FDFT1: variants seen among roughly 807,000 people sequenced by gnomAD.
The protein encoded by FDFT1 is farnesyl-diphosphate farnesyltransferase 1, also known as squalene synthase.
Under a neutral mutation model 46.8 loss-of-function variants are expected in FDFT1, and 68 were observed. That is an observed-to-expected ratio of 1.45 (90% confidence interval 1.19 to 1.78). FDFT1 has a LOEUF of 1.78. Ranked by LOEUF, FDFT1 falls within the 40% of genes most tolerant of loss-of-function variation. The pLI is 0.00. For synonymous variants in FDFT1, 351 were observed against 185.1 expected, an observed-to-expected ratio of 1.90 and a Z score of -7.28; for missense variants, 928 against 524.4, an observed-to-expected ratio of 1.77 and a Z score of -7.52.
intron 7 of FDFT1, among the ~76,000 whole-genome samples, chr8:11,835,264 A>C (rs1811381839): frequency 6.6e-6 from 1 of 152,180 alleles, no homozygotes; most frequent in African/African-American, 2.4e-5. Flanking sequence ...AGTTTGCAGA[A>C]ACCTACTGTG....
At chr8:11,822,799 G>GAGC (rs976671203) in intron 4 of FDFT1, among the ~76,000 whole-genome samples, 4 of 152,204 alleles carry the variant, frequency 2.6e-5, no homozygotes, top group African/African-American at 7.2e-5. Context: ...GTGGGTGACA[G>GAGC]AGCAAGACAC....
intron 4 of FDFT1, among the ~76,000 whole-genome samples, chr8:11,823,690 C>T (rs148148092): frequency 2.0e-5 from 3 of 152,286 alleles, no homozygotes; most frequent in East Asian, 1.9e-4. Context: ...TGCCCTCAGC[C>T]TCCTGAGTAA....
chr8:11,826,993 C>T (rs1172346072), intron 5 of FDFT1, among the ~76,000 whole-genome samples: 3 of 152,194 alleles, frequency 2.0e-5, no homozygotes, highest in Non-Finnish European at 4.4e-5. Context: ...ACAAAAACTC[C>T]AGGTGTCTGT....
intron 3 of FDFT1, among the ~76,000 whole-genome samples, chr8:11,820,419 C>T (rs7821787): frequency 0.012 from 1,765 of 152,346 alleles, 29 homozygotes; most frequent in African/African-American, 0.04. Context: ...CAGAAGCCGT[C>T]TGCTGCCTTT....
chr8:11,818,381 T>C (rs1274191244), intron 3 of FDFT1, among the ~76,000 whole-genome samples: 1 of 152,238 alleles, frequency 6.6e-6, no homozygotes, highest in Non-Finnish European at 1.5e-5. Flanking sequence ...TTAGGTCTGC[T>C]TGGTCCAGAG....
At position 11,826,099 on chromosome 8, in the gene FDFT1, T is replaced by G; in HGVS notation, c.586T>G (p.Leu196Val). 6.2e-7 allele frequency: 1 copy of G among 1,611,660 alleles called. No homozygotes were observed. Among genetic ancestry groups the G allele is most frequent in the Non-Finnish European group, 8.5e-7 (1 of 1,178,028 alleles). Residue 196 changes from leucine to valine, a missense_variant, in exon 5 of 8, where the codon TTA (leucine) becomes GTA (valine). Leu to Val is a conservative substitution (Grantham distance 32). Coordinates refer to ENST00000220584, the MANE Select transcript of FDFT1 (RefSeq NM_004462.5). ...CTCAGCCTCAGAGTTTGAAGACCCC[T>G]TAGTTGGTGAAGATACAGAACGTGC... ...LFSASEFEDP[L>V]VGEDTERANS...
chr8:11,807,157 G>GT (rs1159189875), intron 1 of FDFT1, among the ~76,000 whole-genome samples: 1 of 152,016 alleles, frequency 6.6e-6, no homozygotes, highest in Non-Finnish European at 1.5e-5. Context: ...TTGGATATTT[G>GT]TTTTTTATTT....
At chr8:11,827,797 C>A (rs1224561191) in intron 5 of FDFT1, among the ~76,000 whole-genome samples, 1 of 151,974 alleles carries the variant, frequency 6.6e-6, no homozygotes, top group Non-Finnish European at 1.5e-5. Flanking sequence ...AATCTCAACA[C>A]TGGGAGACCA....
At chr8:11,836,509 C>G (rs1259792276) in intron 7 of FDFT1, among the ~76,000 whole-genome samples, 1 of 152,234 alleles carries the variant, frequency 6.6e-6, no homozygotes, top group Non-Finnish European at 1.5e-5. Flanking sequence ...TCATAAGGCT[C>G]CTTGAAGGTC....
chr8:11,804,609 T>C (rs932507056), intron 1 of FDFT1, among the ~76,000 whole-genome samples: 4 of 142,958 alleles, frequency 2.8e-5, no homozygotes, highest in African/African-American at 1.0e-4. Flanking sequence ...TCTTTTTTTT[T>C]TTTTTTTTTT....
intron 1 of FDFT1, chr8:11,803,390 C>G (rs1202066299): frequency 1.6e-6 from 2 of 1,289,542 alleles, no homozygotes; most frequent in Admixed American, 2.3e-5. Flanking sequence ...TCTTCCGGAG[C>G]TCTCCCCGCC....
chr8:11,836,566 CT>C (rs2130911203), intron 7 of FDFT1, among the ~76,000 whole-genome samples: 1 of 152,364 alleles, frequency 6.6e-6, no homozygotes, highest in East Asian at 1.9e-4. Flanking sequence ...GCCTTCCTGC[CT>C]TCTGTTTCAC....
intron 1 of FDFT1, among the ~76,000 whole-genome samples, chr8:11,806,197 C>G (rs995928520): frequency 2.6e-5 from 4 of 152,232 alleles, no homozygotes; most frequent in Middle Eastern, 3.4e-3. Context: ...CTCTAAATTC[C>G]CTCCATCCCT....
upstream of FDFT1, chr8:11,802,507 GTCGGCCTCTTTC>G (rs771937074): frequency 1.0e-4 from 53 of 507,758 alleles, no homozygotes; most frequent in East Asian, 2.0e-3. Context: ...AATCCCGCTC[GTCGGCCTCTTTC>G]TCGGCCTCCA....
At chr8:11,834,561 G>T (rs1306665304) in intron 7 of FDFT1, among the ~76,000 whole-genome samples, 1 of 152,064 alleles carries the variant, frequency 6.6e-6, no homozygotes, top group Non-Finnish European at 1.5e-5. Context: ...AATCACCTGG[G>T]AGCCCATTAA....
intron 1 of FDFT1, chr8:11,803,214 C>G: frequency 1.4e-6 from 2 of 1,399,178 alleles, no homozygotes; most frequent in Non-Finnish European, 1.9e-6. Context: ...CCGTGAGCAT[C>G]GGCGCTTACC....
upstream of FDFT1, among the ~76,000 whole-genome samples, chr8:11,799,730 G>A (rs1320721061): frequency 6.6e-6 from 1 of 151,930 alleles, no homozygotes; most frequent in African/African-American, 2.4e-5. Flanking sequence ...GGCGGATCAC[G>A]AGGTCAAGAG....
Position 11,831,688 on chromosome 8 carries a change from T to G in FDFT1, c.1032+18T>G. On this transcript the variant is annotated intron_variant, in intron 7 of 7. Transcript: ENST00000220584. ...TGGAAGAGGTGGGTTTTTATTTAAC[T>G]ACTTGGATAATTTGTAGCTACTTTT... 1 of 1,597,320 alleles carries G rather than the reference T, an allele frequency of 6.3e-7. No homozygotes were observed. The highest frequency in any genetic ancestry group is 8.6e-7 in the Non-Finnish European group (1 of 1,164,872).
intron 4 of FDFT1, among the ~76,000 whole-genome samples, chr8:11,825,456 C>T (rs1809827940): frequency 6.7e-6 from 1 of 149,878 alleles, no homozygotes; most frequent in Admixed American, 6.7e-5. Flanking sequence ...AGGAGAATCA[C>T]TTGAACCCAA....
Sources: gnomAD v4.1 joint callset for allele counts (sites outside exome capture counted in the v4.1 genomes callset) on GRCh38, gnomAD v4.1.1 for gene constraint, MANE v1.5 for transcripts, NCBI Gene and HGNC (gene_info 2026-07-23, HGNC 2026-07-21) for gene names.